CSMD1: variants seen among roughly 807,000 people sequenced by gnomAD.
CSMD1 encodes the protein CUB and sushi domain-containing protein 1.
In CSMD1, 213 loss-of-function variants were observed where a neutral mutation model predicts 417.5. The ratio of observed to expected loss-of-function variants is 0.51; its 90% CI spans 0.46 to 0.57. CSMD1 has a LOEUF of 0.57. Among genes scored for constraint, CSMD1 ranks in the 20% least tolerant of loss-of-function variants. The probability of loss-of-function intolerance (pLI) is 0.00; values close to 1 mark genes in which losing one functional copy is unlikely to be tolerated. For missense variants in CSMD1, 6,923 were observed against 4,529.7 expected (o/e 1.53, Z -15.17); for synonymous variants, 2,862 against 1,736.8 (o/e 1.65, Z -16.11).
intron 1 of CSMD1, among the ~76,000 whole-genome samples, chr8:4,790,090 A>T (rs2117228502): frequency 6.6e-6 from 1 of 152,326 alleles, no homozygotes; most frequent in Non-Finnish European, 1.5e-5. Flanking sequence ...GTTTTGTGGG[A>T]AAATACTAAG....
chr8:4,456,889 C>G (rs569906707), intron 2 of CSMD1, among the ~76,000 whole-genome samples: 7 of 151,546 alleles, frequency 4.6e-5, no homozygotes, highest in African/African-American at 1.2e-4. Context: ...GGAGAACACA[C>G]CCGTATTTGA....
chr8:3,745,582 C>T (rs1268157202), intron 6 of CSMD1, among the ~76,000 whole-genome samples: 3 of 152,170 alleles, frequency 2.0e-5, no homozygotes, highest in East Asian at 3.9e-4. Flanking sequence ...TGCTCCTCAA[C>T]CATTTTGGAA....
At chr8:4,458,101 T>C (rs909797971) in intron 2 of CSMD1, among the ~76,000 whole-genome samples, 1 of 151,902 alleles carries the variant, frequency 6.6e-6, no homozygotes, top group African/African-American at 2.4e-5. Context: ...ATACTTAATA[T>C]TTCTTTACAT....
At chr8:4,172,758 T>A (rs1797837142) in intron 3 of CSMD1, among the ~76,000 whole-genome samples, 1 of 152,142 alleles carries the variant, frequency 6.6e-6, no homozygotes, top group Non-Finnish European at 1.5e-5. Flanking sequence ...GGCTTCCACC[T>A]CTTTCTTGGA....
chr8:2,955,547 T>C (rs1200374533), intron 64 of CSMD1, 42 bp downstream of exon 64: 1 of 1,601,414 alleles, frequency 6.2e-7, no homozygotes, highest in East Asian at 2.2e-5. Flanking sequence ...TCCTTTCCCT[T>C]GCTCTTTGGA....
chr8:4,390,132 T>G (rs1376306696), intron 3 of CSMD1, among the ~76,000 whole-genome samples: 1 of 152,354 alleles, frequency 6.6e-6, no homozygotes, highest in African/African-American at 2.4e-5. Context: ...GCTCAGCAAT[T>G]GGACTTTAAT....
intron 1 of CSMD1, among the ~76,000 whole-genome samples, chr8:4,655,032 C>G (rs555584665): frequency 1.1e-5 from 1 of 89,196 alleles, no homozygotes; most frequent in Non-Finnish European, 2.2e-5. Context: ...ACAGATGTAC[C>G]TCCAAAAAAA....
intron 5 of CSMD1, among the ~76,000 whole-genome samples, chr8:3,863,332 G>C (rs1483022247): frequency 6.6e-6 from 1 of 150,882 alleles, no homozygotes; most frequent in Admixed American, 6.6e-5. Flanking sequence ...AGGAGATGGT[G>C]GTTGCAGGAG....
At chr8:4,802,860 A>G (rs1798378950) in intron 1 of CSMD1, among the ~76,000 whole-genome samples, 1 of 152,216 alleles carries the variant, frequency 6.6e-6, no homozygotes, top group African/African-American at 2.4e-5. Context: ...ATGTCCTTAG[A>G]GATGCAAATA....
intron 12 of CSMD1, among the ~76,000 whole-genome samples, chr8:3,451,100 G>A (rs557543247): frequency 2.0e-5 from 3 of 152,276 alleles, no homozygotes; most frequent in South Asian, 4.1e-4. Flanking sequence ...TCTTTTGGCT[G>A]CATAAATGTC....
intron 3 of CSMD1, among the ~76,000 whole-genome samples, chr8:4,381,397 A>G (rs1803095332): frequency 6.6e-6 from 1 of 152,128 alleles, no homozygotes; most frequent in African/African-American, 2.4e-5. Context: ...CAGGGGTGGA[A>G]AACCCATGAA....
At chr8:3,869,893 G>C (rs1234281675) in intron 5 of CSMD1, among the ~76,000 whole-genome samples, 1 of 152,178 alleles carries the variant, frequency 6.6e-6, no homozygotes, top group African/African-American at 2.4e-5. Context: ...AGTAGTGCTT[G>C]AAGGGCTTAA....
At chr8:4,794,661 T>C (rs1428264687) in intron 1 of CSMD1, among the ~76,000 whole-genome samples, 1 of 152,174 alleles carries the variant, frequency 6.6e-6, no homozygotes, top group Non-Finnish European at 1.5e-5. Flanking sequence ...CCATACCTTC[T>C]TTCTTCTGCT....
At chr8:3,271,563 TA>T (rs1801857027) in intron 26 of CSMD1, among the ~76,000 whole-genome samples, 1 of 151,510 alleles carries the variant, frequency 6.6e-6, no homozygotes, top group Non-Finnish European at 1.5e-5. Context: ...AAAGTGTTCC[TA>T]TTTCTCCACA....
intron 3 of CSMD1, among the ~76,000 whole-genome samples, chr8:4,393,460 G>A (rs1803993613): frequency 6.6e-6 from 1 of 152,144 alleles, no homozygotes; most frequent in Non-Finnish European, 1.5e-5. Context: ...AATATCACAT[G>A]CATGATTATG....
At chr8:4,006,334 A>C (rs1816110853) in intron 4 of CSMD1, among the ~76,000 whole-genome samples, 1 of 152,224 alleles carries the variant, frequency 6.6e-6, no homozygotes, top group Non-Finnish European at 1.5e-5. Flanking sequence ...ACCTGAGGTC[A>C]GCAGTTTGAG....
chr8:4,500,294 T>C (rs543935145), intron 2 of CSMD1, among the ~76,000 whole-genome samples: 8 of 152,316 alleles, frequency 5.3e-5, no homozygotes, highest in Admixed American at 4.6e-4. Context: ...ATGCCAATTT[T>C]TGTGCATAGG....
chr8:4,823,348 T>C (rs1246733807), intron 1 of CSMD1, among the ~76,000 whole-genome samples: 1 of 152,068 alleles, frequency 6.6e-6, no homozygotes, highest in African/African-American at 2.4e-5. Context: ...TGTATTACAA[T>C]TACAATTACA....
At chr8:4,616,966 T>TC (rs148744094) in intron 2 of CSMD1, among the ~76,000 whole-genome samples, 47,155 of 134,380 alleles carry the variant, frequency 0.35, 7,901 homozygotes, top group Non-Finnish European at 0.39. Flanking sequence ...CAAGCAGATT[T>TC]CTTTTTTTTA....
Sources: allele counts gnomAD v4.1 joint callset (sites outside exome capture counted in the v4.1 genomes callset), GRCh38; gene constraint gnomAD v4.1.1; transcripts MANE v1.5; gene names NCBI Gene and HGNC (gene_info 2026-07-23, HGNC 2026-07-21).